NELL1: variants seen among roughly 807,000 people sequenced by gnomAD.
NELL1 encodes the protein protein kinase C-binding protein NELL1.
A neutral mutation model predicts 107.4 loss-of-function variants in NELL1; 76 were observed. The ratio of observed to expected loss-of-function variants is 0.71; its 90% CI spans 0.59 to 0.86. NELL1 has a LOEUF of 0.86. Among genes scored for constraint, NELL1 ranks in the 40% least tolerant of loss-of-function variants. The pLI is 0.00. For missense variants in NELL1, 1,024 were observed against 1,005.5 expected, an observed-to-expected ratio of 1.02 and a Z score of -0.25; for synonymous variants, 353 against 341.2, an observed-to-expected ratio of 1.03 and a Z score of -0.38.
intron 13 of NELL1, among the ~76,000 whole-genome samples, chr11:21,134,540 T>G (rs2133762574): frequency 6.6e-6 from 1 of 152,306 alleles, no homozygotes; most frequent in African/African-American, 2.4e-5. Flanking sequence ...AATTCCTGAT[T>G]TTAACAGTTC....
chr11:20,705,847 TG>T (rs1330166543), intron 2 of NELL1, among the ~76,000 whole-genome samples: 1 of 151,762 alleles, frequency 6.6e-6, no homozygotes, highest in Non-Finnish European at 1.5e-5. Flanking sequence ...CATCAAAAAG[TG>T]GGCAAAGTAT....
intron 11 of NELL1, among the ~76,000 whole-genome samples, chr11:20,954,222 T>G (rs1564983783): frequency 1.3e-5 from 2 of 152,258 alleles, no homozygotes; most frequent in Non-Finnish European, 2.9e-5. Flanking sequence ...CTTAGCCAAG[T>G]GCCTAGCACA....
chr11:21,277,523 AT>A (rs1242023415), intron 14 of NELL1, among the ~76,000 whole-genome samples: 2 of 152,018 alleles, frequency 1.3e-5, no homozygotes, highest in Non-Finnish European at 2.9e-5. Flanking sequence ...TAGAAATACC[AT>A]TTGACCCAGC....
intron 3 of NELL1, among the ~76,000 whole-genome samples, chr11:20,826,851 G>T (rs775537843): frequency 1.3e-5 from 2 of 151,200 alleles, no homozygotes; most frequent in Admixed American, 6.6e-5. Flanking sequence ...CAGACTGGAC[G>T]TCAGTAGAGA....
At position 21,455,985 on chromosome 11, in the gene NELL1, TCC is replaced by T. The variant is rs386751397; in HGVS notation, c.1646-78388_1646-78387del. Among the ~76,000 whole-genome samples the T allele has an allele frequency of 2.5e-3, 5 of 1,980 alleles. No individual in the cohort carries two copies. In the East Asian group the frequency reaches 0.31, roughly 124 times the overall value. 1.3% of individuals were successfully genotyped at this position (1,980 alleles called of 152,430 possible). Reference sequence around the variant, plus strand: ...CTCACTACAACCTCTGCCTCCCAGGTCCAGCATTTCTCCTGTCTCAGCCTCCC... The same window carrying T: ...CTCACTACAACCTCTGCCTCCCAGGTAGCATTTCTCCTGTCTCAGCCTCCC... On this transcript the variant is annotated intron_variant, in intron 15 of 19. Coordinates refer to ENST00000357134, the MANE Select transcript of NELL1 (RefSeq NM_006157.5).
chr11:20,840,141 A>T (rs1397201365), intron 3 of NELL1, among the ~76,000 whole-genome samples: 1 of 152,220 alleles, frequency 6.6e-6, no homozygotes, highest in Non-Finnish European at 1.5e-5. Context: ...GTAGAATTCC[A>T]TTTTTATAAG....
At chr11:21,322,271 G>A (rs533100204) in intron 14 of NELL1, among the ~76,000 whole-genome samples, 1 of 152,248 alleles carries the variant, frequency 6.6e-6, no homozygotes, top group East Asian at 1.9e-4. Flanking sequence ...TTTGGGGAAT[G>A]TAATTTCACT....
chr11:21,426,311 A>G (rs1020130868), intron 15 of NELL1, among the ~76,000 whole-genome samples: 1 of 152,202 alleles, frequency 6.6e-6, no homozygotes, highest in Non-Finnish European at 1.5e-5. Context: ...TGTCTCATTC[A>G]TCATTATATC....
At chr11:21,433,733 T>C (rs1180459991) in intron 15 of NELL1, among the ~76,000 whole-genome samples, 1 of 152,148 alleles carries the variant, frequency 6.6e-6, no homozygotes, top group Non-Finnish European at 1.5e-5. Flanking sequence ...TGGAGTGCAA[T>C]GGCTTGATCT....
chr11:20,876,869 C>T (rs1258709629), intron 4 of NELL1, among the ~76,000 whole-genome samples: 1 of 152,202 alleles, frequency 6.6e-6, no homozygotes, highest in East Asian at 1.9e-4. Flanking sequence ...AGGACCTGCT[C>T]TGAAGAGTAT....
intron 2 of NELL1, among the ~76,000 whole-genome samples, chr11:20,692,796 T>C (rs1325059765): frequency 6.6e-6 from 1 of 152,194 alleles, no homozygotes; most frequent in African/African-American, 2.4e-5. Flanking sequence ...TAGATGTCTA[T>C]TAGGTCCGCT....
At position 21,350,901 on chromosome 11, in the gene NELL1, C is replaced by A. The variant is rs552183464; in HGVS notation, c.1550-19952C>A. On this transcript the variant is annotated intron_variant, in intron 14 of 19. Coordinates refer to ENST00000357134, the MANE Select transcript of NELL1 (RefSeq NM_006157.5). ...CTAAAAAAATATGTCCAAGTCCTAACCCTCATTACTTATTAACGTGACCTT... is the reference window on the plus strand; with the variant it reads ...CTAAAAAAATATGTCCAAGTCCTAAACCTCATTACTTATTAACGTGACCTT... Among the ~76,000 whole-genome samples the A allele has an allele frequency of 6.6e-5, 10 of 152,242 alleles. No individual in the cohort carries two copies. The East Asian group carries it at 1.7e-3, about 27-fold the overall frequency.
intron 12 of NELL1, among the ~76,000 whole-genome samples, chr11:21,083,637 G>A (rs1003558833): frequency 1.3e-5 from 2 of 152,100 alleles, no homozygotes; most frequent in East Asian, 3.9e-4. Context: ...AGACATTGAA[G>A]TTTAAAAAAT....
chr11:21,215,625 A>G (rs1857596294), intron 13 of NELL1, among the ~76,000 whole-genome samples: 1 of 152,294 alleles, frequency 6.6e-6, no homozygotes, highest in South Asian at 2.1e-4. Flanking sequence ...GTGGTCTCAG[A>G]TGGAAATTAG....
chr11:20,677,870 A>T, intron 1 of NELL1, 62 bp from the exon 2 acceptor site: 4 of 1,593,042 alleles, frequency 2.5e-6, no homozygotes, highest in Non-Finnish European at 3.4e-6. Flanking sequence ...CCGACTCTGT[A>T]ACCTCTGAAT....
chr11:21,113,757 C>T, intron 13 of NELL1, 43 bp downstream of exon 13: 3 of 1,598,244 alleles, frequency 1.9e-6, no homozygotes, highest in Non-Finnish European at 2.6e-6. Context: ...TTCATCCATT[C>T]TCTGCACCAT....
intron 12 of NELL1, among the ~76,000 whole-genome samples, chr11:21,077,393 A>T (rs996553541): frequency 5.3e-5 from 8 of 152,186 alleles, no homozygotes; most frequent in Non-Finnish European, 1.0e-4. Context: ...ATAATCTGAG[A>T]TGATAGGCAT....
intron 4 of NELL1, among the ~76,000 whole-genome samples, chr11:20,865,575 T>C (rs1422053514): frequency 6.6e-6 from 1 of 152,140 alleles, no homozygotes; most frequent in Non-Finnish European, 1.5e-5. Context: ...TGAATTTTAT[T>C]AGGAAGAACA....
At chr11:21,108,339 G>A (rs1191803523) in intron 12 of NELL1, among the ~76,000 whole-genome samples, 7 of 152,038 alleles carry the variant, frequency 4.6e-5, no homozygotes, top group Non-Finnish European at 1.0e-4. Context: ...GATGGAACCT[G>A]GTGATACATG....
Sources: allele counts gnomAD v4.1 joint callset (sites outside exome capture counted in the v4.1 genomes callset), GRCh38; gene constraint gnomAD v4.1.1; transcripts MANE v1.5; gene names NCBI Gene and HGNC (gene_info 2026-07-23, HGNC 2026-07-21).